CASKIN2: variants seen among roughly 807,000 people sequenced by gnomAD.
CASKIN2 encodes the protein caskin-2.
Under a neutral mutation model 107.1 loss-of-function variants are expected in CASKIN2, and 41 were observed. That is an observed-to-expected ratio of 0.38 (90% confidence interval 0.30 to 0.50). The LOEUF is 0.50. Among genes scored for constraint, CASKIN2 ranks in the 20% least tolerant of loss-of-function variants. The pLI is 0.92. For synonymous variants in CASKIN2, 724 were observed against 705.6 expected (o/e 1.03, Z -0.41); for missense variants, 1,546 against 1,657.4 (o/e 0.93, Z 1.17).
intron 14 of CASKIN2, 71 bp from the exon 15 acceptor site, chr17:75,504,033 G>A: frequency 7.1e-7 from 1 of 1,410,562 alleles, no homozygotes; most frequent in Non-Finnish European, 9.8e-7. Context: ...CAGGGGCTCA[G>A]GACCTGCCTG....
At position 75,501,486 on chromosome 17, in the gene CASKIN2, C is replaced by A. The variant is rs1444282603; in HGVS notation, c.3500G>T (p.Gly1167Val). ...CCCTCACCCCTCTTGCTCCTTGGTG[C>A]CAATGCTCTTCTCTGCGGCTCTCAG... ...AALRAAEKSIGTKEQEGTPSA... is the reference protein window; with the variant it reads ...AALRAAEKSIVTKEQEGTPSA... The change falls in exon 19 of 20, where the codon GGC becomes GTC. Residue 1167 changes from glycine (G) to valine (V), a missense_variant. Gly to Val is a moderately radical substitution (Grantham distance 109). Coordinates refer to ENST00000321617, the MANE Select transcript of CASKIN2 (RefSeq NM_020753.5). The A allele has an allele frequency of 1.2e-6, 2 of 1,611,060 alleles. No individual in the cohort carries two copies. Among genetic ancestry groups the A allele is most frequent in the Admixed American group, 1.7e-5 (1 of 59,960 alleles).
chr17:75,506,159 C>G lies in CASKIN2; in HGVS notation c.726+146G>C. 4 of 759,104 alleles carry G rather than the reference C, an allele frequency of 5.3e-6. No homozygotes were observed. Among genetic ancestry groups the G allele is most frequent in the Non-Finnish European group, 8.5e-6 (4 of 471,892 alleles). The allele number at this position is 759,104 out of a possible 1,614,324, so 47.0% of individuals were successfully genotyped here. On this transcript the variant is annotated intron_variant, in intron 8 of 19. Coordinates refer to ENST00000321617, the MANE Select transcript of CASKIN2 (RefSeq NM_020753.5). The surrounding 1 kb of genome is among the most constrained non-coding windows in gnomAD (Gnocchi z 4.8). Reference sequence around the variant, plus strand: ...CCCCGATCCATCTGCACCGCCTCGGCACCATTCAGAAGGAAGTCAGGCCTC... The same window carrying G: ...CCCCGATCCATCTGCACCGCCTCGGGACCATTCAGAAGGAAGTCAGGCCTC...
rs199506124 is a variant in CASKIN2 at position 75,501,905 on chromosome 17, G to A, written c.3169C>T (p.Pro1057Ser). ...QGVPTPLAPSPAMQPPVPPCP... is the reference protein window; with the variant it reads ...QGVPTPLAPSSAMQPPVPPCP... ...GGCGGCACTGGAGGCTGCATGGCGGGGCTGGGAGCAAGGGGGGTTGGAACT... is the reference window on the plus strand; with the variant it reads ...GGCGGCACTGGAGGCTGCATGGCGGAGCTGGGAGCAAGGGGGGTTGGAACT... Residue 1057 changes from proline (P) to serine (S), a missense_variant, in exon 18 of 20, where the codon CCC (proline) becomes TCC (serine). Physicochemically the swap from Pro to Ser is moderately conservative, Grantham distance 74 (BLOSUM62 -1). This residue lies in a region of CASKIN2 where 1,311 missense variants were observed against 1,311.0 expected (regional missense o/e 1.00). Coordinates refer to ENST00000321617, the MANE Select transcript of CASKIN2 (RefSeq NM_020753.5). 4 of 1,574,096 alleles carry A rather than the reference G, an allele frequency of 2.5e-6. No homozygotes were observed. In the East Asian group the frequency reaches 9.0e-5, roughly 35 times the overall value.
chr17:75,508,479 G>GGCT (rs960397849), intron 2 of CASKIN2, among the ~76,000 whole-genome samples, 194 bp from the exon 3 acceptor site: 1 of 150,440 alleles, frequency 6.6e-6, no homozygotes, highest in African/African-American at 2.4e-5. Flanking sequence ...AGTGAGGGCA[G>GGCT]GATGCTGCTG....
chr17:75,508,416 G>GTCCCGTCCCTGTGGC (rs1440102139), intron 2 of CASKIN2, 131 bp from the exon 3 acceptor site: 3 of 986,056 alleles, frequency 3.0e-6, no homozygotes, highest in Non-Finnish European at 4.6e-6. Context: ...CCTTCCGCCT[G>GTCCCGTCCCTGTGGC]TCCCGTCCCT....
chr17:75,504,020 C>G (rs181309327), intron 14 of CASKIN2, 58 bp from the exon 15 acceptor site: 26 of 1,484,540 alleles, frequency 1.8e-5, no homozygotes, highest in South Asian at 5.9e-5. Flanking sequence ...CCCTAGCCCC[C>G]ACCAGGGGCT....
chr17:75,502,757 C>A lies in CASKIN2; in HGVS notation c.2317G>T (p.Gly773Cys). ...AAGTAGGAGAAGGCCCAGGGTGCGC[C>A]AGGAGGTGGCCCTGGGGCCGGGCTA... Reference protein sequence around the residue: ...PSSPAPGPPPGAPWAFSYLAG... With the variant: ...PSSPAPGPPPCAPWAFSYLAG... Residue 773 changes from glycine (G) to cysteine (C), a missense_variant, in exon 18 of 20, where the codon GGC becomes TGC. By Grantham distance (159) the Gly-to-Cys change is radical. Around this residue, in one of 6 missense-constraint regions of CASKIN2, gnomAD observed 1,311 missense variants for 1,311.0 expected, o/e 1.00. Coordinates refer to ENST00000321617, the MANE Select transcript of CASKIN2 (RefSeq NM_020753.5). The surrounding 1 kb of genome is among the most constrained non-coding windows in gnomAD (Gnocchi z 4.3). The A allele has an allele frequency of 6.3e-7, 1 of 1,597,514 alleles. No individual in the cohort carries two copies.
At chr17:75,514,326 TC>T (rs1250952530) in intron 1 of CASKIN2, 118 bp from the exon 2 acceptor site, 4 of 394,376 alleles carry the variant, frequency 1.0e-5, no homozygotes, top group Non-Finnish European at 1.8e-5. Context: ...CCACCCTGGC[TC>T]CCCTCGGAGT....
chr17:75,507,574 G>A lies in CASKIN2; in HGVS notation c.244+10C>T. The A allele has an allele frequency of 6.2e-7, 1 of 1,607,026 alleles. No homozygotes were observed. On this transcript the variant is annotated intron_variant, in intron 4 of 19. Transcript: ENST00000321617. ...CCAGGGTGGGGGTCGGGGGCACATG[G>A]GGGTCTCACCATTGCTGTCCTTGAT...
rs1425836838 is a variant in CASKIN2 at position 75,502,966 on chromosome 17, G to A, written c.2108C>T (p.Ala703Val). Residue 703 changes from alanine (A) to valine (V), a missense_variant, in exon 18 of 20, where the codon GCA (alanine) becomes GTA (valine). Coordinates refer to ENST00000321617, the MANE Select transcript of CASKIN2 (RefSeq NM_020753.5). This position sits in a 1 kb window ranked among gnomAD's most constrained non-coding sequence, Gnocchi z 4.3. ...ARSPSQESIGARSRGSGHSQE... is the reference protein window; with the variant it reads ...ARSPSQESIGVRSRGSGHSQE... ...TGAGTGGCCAGACCCCCGTGAGCGT[G>A]CCCCGATGCTCTCCTGGCTGGGAGA... is the stretch of plus-strand genomic sequence containing the variant. The A allele has an allele frequency of 3.1e-6, 5 of 1,596,732 alleles. No homozygotes were observed. Among genetic ancestry groups the A allele is most frequent in the Non-Finnish European group, 4.3e-6 (5 of 1,171,188 alleles).
chr17:75,508,180 G>T lies in CASKIN2; in HGVS notation c.146+54C>A, dbSNP rs1349501447. 5 of 1,593,714 alleles carry T rather than the reference G, an allele frequency of 3.1e-6. No homozygotes were observed. The East Asian group carries it at 6.7e-5, about 21-fold the overall frequency. On this transcript the variant is annotated intron_variant, in intron 3 of 19. Coordinates refer to ENST00000321617, the MANE Select transcript of CASKIN2 (RefSeq NM_020753.5). ...TCTTTCCCTCCAGCCCCACCCCTGG[G>T]GCTCTACTGCCCCCACCCAGCAGCT...
At chr17:75,513,420 G>C (rs761727314) in intron 2 of CASKIN2, among the ~76,000 whole-genome samples, 40 of 152,178 alleles carry the variant, frequency 2.6e-4, no homozygotes, top group Non-Finnish European at 4.4e-4. Flanking sequence ...ACTCCAGCCT[G>C]GGTGACAAGC....
chr17:75,503,462 G>A lies in CASKIN2; in HGVS notation c.1746C>T (p.Ser582=), dbSNP rs141961301. 6.3e-4 allele frequency: 1,020 copies of A among 1,612,576 alleles called. 1 individual carries two copies. The highest frequency in any genetic ancestry group is 8.3e-4 in the Non-Finnish European group (977 of 1,179,924). The change falls in exon 17 of 20, where the codon AGC becomes AGT. Residue 582 remains serine, a synonymous_variant. Coordinates refer to ENST00000321617, the MANE Select transcript of CASKIN2 (RefSeq NM_020753.5). ...CCACCAGCCCCATGGAGTCGTAGCC[G>A]CTGCTCACCAGCTGCTTGTGGTACT... ...LPQYHKQLVS[S]GYDSMGLVAD... is the part of the protein sequence containing the mutation.
Position 75,505,930 on chromosome 17 carries a change from CT to C in CASKIN2, c.727-2del. 6.2e-7 allele frequency: 1 copy of C among 1,613,042 alleles called. No individual in the cohort carries two copies. Among genetic ancestry groups the C allele is most frequent in the Non-Finnish European group, 8.5e-7 (1 of 1,179,666 alleles). ...TCCGGATGTTCACGTCCACACCTCC[CT>C]GGGTGCACAGTGTCACATGAGCACA... On this transcript the variant is annotated splice_acceptor_variant, in intron 8 of 19. Coordinates refer to ENST00000321617, the MANE Select transcript of CASKIN2 (RefSeq NM_020753.5). LOFTEE classifies it high-confidence loss of function. This position sits in a 1 kb window ranked among gnomAD's most constrained non-coding sequence, Gnocchi z 5.1.
chr17:75,506,064 A>G lies in CASKIN2; in HGVS notation c.727-135T>C, dbSNP rs2146988667. 1.3e-6 allele frequency: 1 copy of G among 796,446 alleles called. No homozygotes were observed. Among genetic ancestry groups the G allele is most frequent in the South Asian group, 1.7e-5 (1 of 58,276 alleles). The allele number at this position is 796,446 out of a possible 1,614,324, so 49.3% of individuals were successfully genotyped here. On this transcript the variant is annotated intron_variant, in intron 8 of 19. Coordinates refer to ENST00000321617, the MANE Select transcript of CASKIN2 (RefSeq NM_020753.5). This position sits in a 1 kb window ranked among gnomAD's most constrained non-coding sequence, Gnocchi z 4.8. ...TGAGGACATAGAGGCTCAGGGACTCAGTCAAGGACAAGCTCAAGTTCACTC... is the reference window on the plus strand; with the variant it reads ...TGAGGACATAGAGGCTCAGGGACTCGGTCAAGGACAAGCTCAAGTTCACTC...
At chr17:75,513,232 G>GA (rs759359820) in intron 2 of CASKIN2, among the ~76,000 whole-genome samples, 7 of 152,134 alleles carry the variant, frequency 4.6e-5, no homozygotes, top group Non-Finnish European at 5.9e-5. Context: ...TTGAGGTCTG[G>GA]AGTTCGAGAC....
At position 75,502,729 on chromosome 17, in the gene CASKIN2, G is replaced by A; in HGVS notation, c.2345C>T (p.Ala782Val). 1 of 1,578,956 alleles carries A rather than the reference G, an allele frequency of 6.3e-7. No homozygotes were observed. The highest frequency in any genetic ancestry group is 2.3e-5 in the East Asian group (1 of 43,042). Residue 782 changes from alanine to valine, a missense_variant, in exon 18 of 20, where the codon GCC becomes GTC. This residue lies in a region of CASKIN2 where 1,311 missense variants were observed against 1,311.0 expected (regional missense o/e 1.00). Transcript: ENST00000321617. This position sits in a 1 kb window ranked among gnomAD's most constrained non-coding sequence, Gnocchi z 4.3. ...GTCTGGGGGAGTGGCAGGGGGCCCG[G>A]CCAAGTAGGAGAAGGCCCAGGGTGC... ...PGAPWAFSYLAGPPATPPDPP... is the reference protein window; with the variant it reads ...PGAPWAFSYLVGPPATPPDPP...
Position 75,505,791 on chromosome 17 carries a change from C to T in CASKIN2, c.835+30G>A. On this transcript the variant is annotated intron_variant, in intron 9 of 19. Coordinates refer to ENST00000321617, the MANE Select transcript of CASKIN2 (RefSeq NM_020753.5). This position sits in a 1 kb window ranked among gnomAD's most constrained non-coding sequence, Gnocchi z 5.1. ...GTACCACTTGAGCGGCCCCAGGCCC[C>T]CTGGGCAGGGTATCCTCCCCCGCAC... The T allele has an allele frequency of 6.2e-7, 1 of 1,606,168 alleles. No individual in the cohort carries two copies. Among genetic ancestry groups the T allele is most frequent in the South Asian group, 1.1e-5 (1 of 90,808 alleles).
Position 75,506,023 on chromosome 17 carries a change from T to C in CASKIN2, c.727-94A>G. 8.7e-7 allele frequency: 1 copy of C among 1,144,324 alleles called. No homozygotes were observed. Among genetic ancestry groups the C allele is most frequent in the South Asian group, 1.4e-5 (1 of 70,372 alleles). 70.9% of individuals were successfully genotyped at this position (1,144,324 alleles called of 1,614,324 possible). ...CCCGGGACATAGGTACTATTACCAT[T>C]TTCCGATTTTACAGATGAGGACATA... On this transcript the variant is annotated intron_variant, in intron 8 of 19. Coordinates refer to ENST00000321617, the MANE Select transcript of CASKIN2 (RefSeq NM_020753.5). This position sits in a 1 kb window ranked among gnomAD's most constrained non-coding sequence, Gnocchi z 4.8.
Sources: allele counts gnomAD v4.1 joint callset (sites outside exome capture counted in the v4.1 genomes callset), GRCh38; gene constraint gnomAD v4.1.1; regional missense constraint gnomAD v4.1.1; non-coding constraint Gnocchi (gnomAD v3.1); transcripts MANE v1.5; gene names NCBI Gene and HGNC (gene_info 2026-07-23, HGNC 2026-07-21).